The following ZNF568 variants were observed in gnomAD, a reference collection of about 807,000 sequenced individuals.
The protein encoded by ZNF568 is p53 inhibitor of SCO2 activation.
ZNF568 carries 11 observed loss-of-function variants against 18.1 expected under a neutral mutation model. That is an observed-to-expected ratio of 0.61 (90% CI 0.38 to 1.00). The LOEUF is 1.00. Ranked by LOEUF, ZNF568 falls within the 50% of genes least tolerant of loss-of-function variation. The pLI is 0.01. For missense variants in ZNF568, 639 were observed against 768.2 expected, an observed-to-expected ratio of 0.83 and a Z score of 1.99; for synonymous variants, 213 against 246.6, an observed-to-expected ratio of 0.86 and a Z score of 1.28.
At chr19:36,992,548 C>T (rs946830099) in intron 4 of ZNF568, among the ~76,000 whole-genome samples, 4 of 152,080 alleles carry the variant, frequency 2.6e-5, no homozygotes, top group African/African-American at 4.8e-5. Flanking sequence ...TTACTAGGCT[C>T]TCTTGCTCAC....
Position 36,949,945 on chromosome 19 carries a change from T to A in ZNF568, c.792T>A (p.Asn264Lys). The change falls in exon 7 of 7, where the codon AAT becomes AAA. Residue 264 changes from asparagine to lysine, a missense_variant. Physicochemically the swap from Asn to Lys is moderately conservative, Grantham distance 94 (BLOSUM62 0). Coordinates refer to ENST00000333987, the MANE Select transcript of ZNF568 (RefSeq NM_198539.4). ...ECGKAFSRKE[N>K]LITHQKIHTG... ...GAAAAGCCTTCAGTAGGAAGGAAAATCTTATTACACATCAGAAAATTCATA... is the reference window on the plus strand; with the variant it reads ...GAAAAGCCTTCAGTAGGAAGGAAAAACTTATTACACATCAGAAAATTCATA... The A allele has an allele frequency of 6.2e-7, 1 of 1,613,708 alleles. No homozygotes were observed. Among genetic ancestry groups the A allele is most frequent in the Non-Finnish European group, 8.5e-7 (1 of 1,179,918 alleles).
chr19:36,934,564 C>T (rs934478185), intron 4 of ZNF568, among the ~76,000 whole-genome samples: 6 of 152,154 alleles, frequency 3.9e-5, no homozygotes, highest in Admixed American at 1.3e-4. Context: ...TCAAGCAATC[C>T]GCCTGCCTCG....
chr19:36,945,496 TA>T (rs1046716829), intron 6 of ZNF568, among the ~76,000 whole-genome samples: 5 of 152,184 alleles, frequency 3.3e-5, no homozygotes, highest in Non-Finnish European at 7.3e-5. Context: ...TTCTCTAAGT[TA>T]TTTTATTGTA....
chr19:36,971,049 C>T (rs2074231671), intron 6 of ZNF568, among the ~76,000 whole-genome samples: 1 of 151,912 alleles, frequency 6.6e-6, no homozygotes, highest in African/African-American at 2.4e-5. Flanking sequence ...TTGAAACCAG[C>T]CTGGCCAACG....
rs772158565 is a variant in ZNF568, at chr19:36,949,880, AT to A, written c.729del (p.His244MetfsTer138). ...HKFDLIRHERIHAGEKPYECK... is the reference protein window; with the variant it reads ...HKFDLIRHERXHAGEKPYECK... ...ATTTGACCTCATTAGACATGAGCGA[AT>A]TCATGCTGGAGAGAAACCTTACGAA... On this transcript the variant is annotated frameshift_variant, in exon 7 of 7. Transcript: ENST00000333987. LOFTEE classifies it low-confidence loss of function (END_TRUNC). 1.2e-6 allele frequency: 2 copies of A among 1,613,910 alleles called. No individual in the cohort carries two copies. Among genetic ancestry groups the A allele is most frequent in the South Asian group, 1.1e-5 (1 of 91,080 alleles).
chr19:36,986,167 A>G (rs745887861), intron 2 of ZNF568, among the ~76,000 whole-genome samples: 3 of 152,136 alleles, frequency 2.0e-5, no homozygotes, highest in Non-Finnish European at 2.9e-5. Context: ...CCTCAGAGGA[A>G]AATGTTTCCC....
At chr19:36,948,727 A>G (rs896478744) in intron 6 of ZNF568, among the ~76,000 whole-genome samples, 1 of 142,974 alleles carries the variant, frequency 7.0e-6, no homozygotes, top group East Asian at 2.1e-4. Flanking sequence ...GAACAAAGAC[A>G]GTTGTTGTTT....
intron 2 of ZNF568, among the ~76,000 whole-genome samples, chr19:36,986,586 T>C (rs1316651620): frequency 6.6e-6 from 1 of 152,122 alleles, no homozygotes; most frequent in Non-Finnish European, 1.5e-5. Context: ...TAGTAACTAG[T>C]CCCCCACAGA....
At chr19:36,975,993 C>T (rs1335230185) in intron 7 of ZNF568, among the ~76,000 whole-genome samples, 1 of 152,168 alleles carries the variant, frequency 6.6e-6, no homozygotes, top group Non-Finnish European at 1.5e-5. Context: ...CACGCCTGGC[C>T]TCAATTTCTT....
In ZNF568 at chr19:36,991,051, G is replaced by A. The variant is rs1039651284; in HGVS notation, c.10-125G>A. The A allele has an allele frequency of 4.6e-5, 46 of 994,648 alleles. No individual in the cohort carries two copies. The East Asian group carries it at 1.2e-3, about 26-fold the overall frequency. 61.6% of individuals were successfully genotyped at this position (994,648 alleles called of 1,614,324 possible). ...CCACACCGACCCCTCCATGTTGAAG[G>A]AGCCAGTATGGCCTGTTTTCCTAAT... On this transcript the variant is annotated intron_variant, in intron 2 of 4. Coordinates refer to the ZNF568 transcript ENST00000433993.
intron 6 of ZNF568, among the ~76,000 whole-genome samples, chr19:36,938,397 CAA>C (rs2073824920): frequency 6.6e-6 from 1 of 151,994 alleles, no homozygotes; most frequent in African/African-American, 2.4e-5. Flanking sequence ...ATCAAATTAA[CAA>C]AGAAAAATCA....
intron 2 of ZNF568, among the ~76,000 whole-genome samples, chr19:36,990,242 A>G (rs772864398): frequency 6.6e-6 from 1 of 152,186 alleles, no homozygotes; most frequent in African/African-American, 2.4e-5. Flanking sequence ...TTTCTCCATC[A>G]GTTCTGGTAG....
intron 4 of ZNF568, among the ~76,000 whole-genome samples, chr19:36,933,179 C>A (rs1047001233): frequency 2.4e-5 from 3 of 127,040 alleles, no homozygotes; most frequent in Non-Finnish European, 4.8e-5. Flanking sequence ...ACAGCTAGAT[C>A]TTTGATCCAT....
chr19:36,967,052 T>C (rs1176991696), intron 6 of ZNF568, among the ~76,000 whole-genome samples: 2 of 152,216 alleles, frequency 1.3e-5, no homozygotes, highest in African/African-American at 4.8e-5. Flanking sequence ...TCCAACTCTC[T>C]TTGAGTACCT....
At chr19:36,956,178 G>A (rs1432151617), downstream of ZNF568, among the ~76,000 whole-genome samples, 1 of 152,212 alleles carries the variant, frequency 6.6e-6, no homozygotes, top group Non-Finnish European at 1.5e-5. Flanking sequence ...CTATGCCTCA[G>A]ACTTTTCAAG....
chr19:36,919,199 C>T (rs1048296786), intron 2 of ZNF568, among the ~76,000 whole-genome samples: 4 of 151,978 alleles, frequency 2.6e-5, no homozygotes, highest in Non-Finnish European at 5.9e-5. Flanking sequence ...ATGACTGAAC[C>T]ATTTTATCAG....
At chr19:36,920,857 C>T (rs1028716376) in intron 2 of ZNF568, among the ~76,000 whole-genome samples, 1 of 151,958 alleles carries the variant, frequency 6.6e-6, no homozygotes, top group Non-Finnish European at 1.5e-5. Context: ...TACCAGTGTA[C>T]CATTTTTTAT....
chr19:36,947,328 T>G (rs1281422298), intron 6 of ZNF568, among the ~76,000 whole-genome samples: 1 of 152,130 alleles, frequency 6.6e-6, no homozygotes, highest in Non-Finnish European at 1.5e-5. Context: ...CCTGGAAGTT[T>G]TGTGTGGGGC....
At position 36,975,542 on chromosome 19, in the gene ZNF568, C is replaced by G. The variant is rs528544442; in HGVS notation, c.405+1076C>G. On this transcript the variant is annotated intron_variant, in intron 7 of 7. Transcript: ENST00000427117. The stretch of plus-strand genomic sequence containing the variant: ...CTGGGACTACAGGCGCATGCCACCA[C>G]GCCCAGCTAATTTTTCTATTTTTAG... Among the ~76,000 whole-genome samples, 4 of 152,064 alleles carry G rather than the reference C, an allele frequency of 2.6e-5. No individual in the cohort carries two copies. The South Asian group carries it at 6.2e-4, about 24-fold the overall frequency.
Sources: gnomAD v4.1 joint callset for allele counts (sites outside exome capture counted in the v4.1 genomes callset) on GRCh38, gnomAD v4.1.1 for gene constraint, MANE v1.5 for transcripts, NCBI Gene and HGNC (gene_info 2026-07-23, HGNC 2026-07-21) for gene names.